The following DNAH9 variants were observed in gnomAD, a reference collection of about 807,000 sequenced individuals.
DNAH9 encodes DNAH9 variant protein.
In DNAH9, 345 loss-of-function variants were observed where a neutral mutation model predicts 471.6. That is an observed-to-expected ratio of 0.73 (90% CI 0.67 to 0.80). The LOEUF is 0.80. DNAH9 is among the 30% of genes least tolerant of loss of function. The pLI is 0.00. For synonymous variants in DNAH9, 2,093 were observed against 2,123.6 expected, an observed-to-expected ratio of 0.99 and a Z score of 0.40; for missense variants, 5,407 against 5,609.2, an observed-to-expected ratio of 0.96 and a Z score of 1.15.
At chr17:11,654,537 T>C (rs2073596195) in intron 14 of DNAH9, among the ~76,000 whole-genome samples, 1 of 151,714 alleles carries the variant, frequency 6.6e-6, no homozygotes, top group South Asian at 2.1e-4. Flanking sequence ...CACAGTGACC[T>C]AGAAAAAAGT....
intron 67 of DNAH9, among the ~76,000 whole-genome samples, chr17:11,954,784 AAAAAGAG>A (rs1346745244): frequency 1.4e-5 from 2 of 145,332 alleles, no homozygotes; most frequent in Non-Finnish European, 3.1e-5. Context: ...AAAAAAAAAA[AAAAAGAG>A]AGAGAAAGAA....
At chr17:11,735,252 A>T (rs1209976866) in intron 28 of DNAH9, among the ~76,000 whole-genome samples, 1 of 152,064 alleles carries the variant, frequency 6.6e-6, no homozygotes, top group Non-Finnish European at 1.5e-5. Flanking sequence ...GTGGATGTTG[A>T]GCAGCAACCC....
chr17:11,942,944 G>A (rs1475894154), intron 67 of DNAH9, among the ~76,000 whole-genome samples: 2 of 143,348 alleles, frequency 1.4e-5, no homozygotes, highest in Non-Finnish European at 3.0e-5. Context: ...CGCCCAGGCT[G>A]GAGTGCAGTG....
Position 11,752,862 on chromosome 17 carries a change from G to C in DNAH9, c.6640G>C (p.Ala2214Pro). ...GLFSSIMREL[A>P]NITHDGPKWI... The stretch of plus-strand genomic sequence containing the variant: ...GTTCTCTTCCATCATGCGGGAGCTT[G>C]CCAACATCACCCATGATGGGCCCAA... Residue 2214 changes from alanine (A) to proline (P), a missense_variant, in exon 33 of 69, where the codon GCC (alanine) becomes CCC (proline). By Grantham distance (27) the Ala-to-Pro change is conservative (BLOSUM62 -1). Around this residue, in one of 3 missense-constraint regions of DNAH9, gnomAD observed 4,636 missense variants for 4,900.3 expected, o/e 0.95. Coordinates refer to ENST00000262442, the MANE Select transcript of DNAH9 (RefSeq NM_001372.4). The C allele has an allele frequency of 6.2e-7, 1 of 1,604,986 alleles. No homozygotes were observed. The highest frequency in any genetic ancestry group is 8.5e-7 in the Non-Finnish European group (1 of 1,176,272).
chr17:11,853,378 T>C (rs1451157682), intron 49 of DNAH9: 1 of 152,964 alleles, frequency 6.5e-6, no homozygotes, highest in Non-Finnish European at 1.5e-5. Flanking sequence ...CTGGAAGGTT[T>C]AAGTGATTTG....
chr17:11,821,477 C>CT (rs1970307405), intron 45 of DNAH9, among the ~76,000 whole-genome samples: 1 of 152,156 alleles, frequency 6.6e-6, no homozygotes, highest in East Asian at 1.9e-4. Flanking sequence ...ATAGCTTGCT[C>CT]TTTTTAAATA....
chr17:11,788,267 G>A (rs1208167231), intron 41 of DNAH9, among the ~76,000 whole-genome samples: 4 of 152,182 alleles, frequency 2.6e-5, no homozygotes, highest in Non-Finnish European at 5.9e-5. Context: ...GGAGAGCTAA[G>A]AAGGAGACAG....
intron 53 of DNAH9, among the ~76,000 whole-genome samples, chr17:11,878,403 G>GT (rs2150992577): frequency 6.6e-6 from 1 of 152,118 alleles, no homozygotes; most frequent in South Asian, 2.1e-4. Flanking sequence ...CTTTTGTGAG[G>GT]TTTTACCTAC....
intron 35 of DNAH9, 142 bp from the exon 36 acceptor site, chr17:11,763,298 G>A: frequency 1.4e-6 from 1 of 712,486 alleles, no homozygotes; most frequent in Non-Finnish European, 2.4e-6. Flanking sequence ...AAAGGCTTAA[G>A]TGGCGCTCTG....
chr17:11,699,667 A>G, intron 22 of DNAH9, 64 bp from the exon 23 acceptor site: 17 of 1,497,284 alleles, frequency 1.1e-5, no homozygotes, highest in Non-Finnish European at 1.6e-5. Flanking sequence ...AGGCCTCTAA[A>G]CAATTCTAAT....
At chr17:11,659,960 T>G (rs1338258101) in intron 14 of DNAH9, among the ~76,000 whole-genome samples, 1 of 152,238 alleles carries the variant, frequency 6.6e-6, no homozygotes, top group Non-Finnish European at 1.5e-5. Flanking sequence ...GCATCCTTTT[T>G]CATTCCTAAT....
At position 11,704,363 on chromosome 17, in the gene DNAH9, G is replaced by C; in HGVS notation, c.5312G>C (p.Gly1771Ala). 1 of 1,614,144 alleles carries C rather than the reference G, an allele frequency of 6.2e-7. No homozygotes were observed. Among genetic ancestry groups the C allele is most frequent in the South Asian group, 1.1e-5 (1 of 91,076 alleles). ...ITMLIGQLSK[G>A]DRQKIMTICT... ...ATGCTGATTGGCCAGCTCTCCAAGG[G>C]AGACCGGCAGAAGATTATGACTATA... Residue 1771 changes from glycine to alanine, a missense_variant, in exon 25 of 69, where the codon GGA becomes GCA. Physicochemically the swap from Gly to Ala is moderately conservative, Grantham distance 60. Around this residue, in one of 3 missense-constraint regions of DNAH9, gnomAD observed 4,636 missense variants for 4,900.3 expected, o/e 0.95. Coordinates refer to ENST00000262442, the MANE Select transcript of DNAH9 (RefSeq NM_001372.4).
intron 38 of DNAH9, among the ~76,000 whole-genome samples, chr17:11,770,856 AC>A: frequency 6.6e-6 from 1 of 152,142 alleles, no homozygotes; most frequent in South Asian, 2.1e-4. Flanking sequence ...AACAAATCAA[AC>A]CCTGGTTTGT....
intron 57 of DNAH9, among the ~76,000 whole-genome samples, chr17:11,889,859 T>C (rs1326032161): frequency 6.6e-6 from 1 of 151,986 alleles, no homozygotes; most frequent in African/African-American, 2.4e-5. Flanking sequence ...GTAGTTTGAG[T>C]CAATGATAAG....
At position 11,807,743 on chromosome 17, in the gene DNAH9, A is replaced by G. The variant is rs750825397; in HGVS notation, c.8432A>G (p.Asn2811Ser). The G allele has an allele frequency of 5.0e-6, 8 of 1,606,784 alleles. No homozygotes were observed. Among genetic ancestry groups the G allele is most frequent in the African/African-American group, 4.0e-5 (3 of 74,772 alleles). The change falls in exon 44 of 69, where the codon AAT becomes AGT. Residue 2811 changes from asparagine (N) to serine (S), a missense_variant. Asn to Ser is a conservative substitution (Grantham distance 46). Coordinates refer to ENST00000262442, the MANE Select transcript of DNAH9 (RefSeq NM_001372.4). The stretch of plus-strand genomic sequence containing the variant: ...TTCCTTCTCTTTAGCTGCCATATCA[A>G]TCGCATCTTGGAGTCCCCGCGGGGA... ...EDAMRHVCHI[N>S]RILESPRGNA... is the part of the protein sequence containing the mutation.
intron 12 of DNAH9, among the ~76,000 whole-genome samples, chr17:11,650,121 A>G (rs2073475008): frequency 6.6e-6 from 1 of 152,190 alleles, no homozygotes; most frequent in African/African-American, 2.4e-5. Flanking sequence ...AGCTAGAACT[A>G]GAAGACTGAG....
At chr17:11,942,900 T>TC (rs1210147614) in intron 67 of DNAH9, among the ~76,000 whole-genome samples, 5 of 148,466 alleles carry the variant, frequency 3.4e-5, no homozygotes, top group Non-Finnish European at 7.5e-5. Flanking sequence ...TTTTTTCTTT[T>TC]TTTTTTTTTT....
At chr17:11,663,362 A>G (rs2073809993) in intron 14 of DNAH9, among the ~76,000 whole-genome samples, 2 of 152,312 alleles carry the variant, frequency 1.3e-5, no homozygotes, top group Non-Finnish European at 1.5e-5. Context: ...TCTGCCTATC[A>G]GCAGGGATGC....
At chr17:11,966,305 C>T (rs976113527) in intron 68 of DNAH9, among the ~76,000 whole-genome samples, 1 of 152,214 alleles carries the variant, frequency 6.6e-6, no homozygotes, top group African/African-American at 2.4e-5. Flanking sequence ...AGTACGATGG[C>T]ATAGTCAAAA....
Sources: allele counts gnomAD v4.1 joint callset (sites outside exome capture counted in the v4.1 genomes callset), GRCh38; gene constraint gnomAD v4.1.1; regional missense constraint gnomAD v4.1.1; transcripts MANE v1.5; gene names NCBI Gene and HGNC (gene_info 2026-07-23, HGNC 2026-07-21).